Variants in FOCAD observed in about 807,000 individuals in gnomAD.
FOCAD encodes the protein focadhesin, also known as KIAA1797.
In FOCAD, 198 loss-of-function variants were observed where a neutral mutation model predicts 225.6. The ratio of observed to expected loss-of-function variants is 0.88; its 90% CI spans 0.78 to 0.99. The LOEUF (loss-of-function observed/expected upper bound fraction) is 0.99, where lower values mean the gene tolerates loss of function less well. Ranked by LOEUF, FOCAD falls within the 50% of genes least tolerant of loss-of-function variation. The pLI, the probability that FOCAD is intolerant of heterozygous loss-of-function variation, is 0.00. For synonymous variants in FOCAD, 897 were observed against 755.0 expected, an observed-to-expected ratio of 1.19 and a Z score of -3.08; for missense variants, 2,713 against 2,123.6, an observed-to-expected ratio of 1.28 and a Z score of -5.46.
At chr9:20,946,962 A>C in intron 30 of FOCAD, 142 bp downstream of exon 30, 4 of 1,026,850 alleles carry the variant, frequency 3.9e-6, no homozygotes, top group Non-Finnish European at 5.5e-6. Flanking sequence ...CTCTTTTCTC[A>C]CAGCTGTAGC....
intron 5 of FOCAD, 65 bp downstream of exon 5, chr9:20,740,405 C>A: frequency 2.3e-6 from 2 of 887,100 alleles, no homozygotes; most frequent in Non-Finnish European, 3.6e-6. Flanking sequence ...TTAACTGTGA[C>A]ATGATAATCC....
intron 15 of FOCAD, among the ~76,000 whole-genome samples, chr9:20,845,519 T>C (rs897851684): frequency 2.0e-5 from 3 of 150,270 alleles, no homozygotes; most frequent in African/African-American, 7.3e-5. Flanking sequence ...ACTAGTCCTT[T>C]ATTGATGGAT....
intron 11 of FOCAD, among the ~76,000 whole-genome samples, chr9:20,817,774 G>GTTTA (rs545811412): frequency 1.3e-5 from 2 of 151,696 alleles, no homozygotes; most frequent in East Asian, 3.9e-4. Flanking sequence ...ACTGTATTTT[G>GTTTA]TTTATTCATC....
intron 5 of FOCAD, among the ~76,000 whole-genome samples, chr9:20,748,760 C>T (rs970798673): frequency 1.3e-5 from 2 of 152,026 alleles, no homozygotes; most frequent in South Asian, 4.1e-4. Flanking sequence ...TCTTCTTTTC[C>T]ACTCAGGAAA....
intron 4 of FOCAD, among the ~76,000 whole-genome samples, chr9:20,728,169 G>C (rs923893712): frequency 6.6e-6 from 1 of 152,054 alleles, no homozygotes; most frequent in African/African-American, 2.4e-5. Context: ...AATCTTCAAC[G>C]TCATAATTGA....
intron 2 of FOCAD, among the ~76,000 whole-genome samples, chr9:20,666,222 G>A (rs1319638434): frequency 3.3e-5 from 5 of 152,226 alleles, no homozygotes. Flanking sequence ...ATATTATTAT[G>A]CATTCTATAA....
chr9:20,878,342 C>G (rs578082538), intron 19 of FOCAD, among the ~76,000 whole-genome samples: 1 of 152,226 alleles, frequency 6.6e-6, no homozygotes, highest in Non-Finnish European at 1.5e-5. Context: ...AAAATGTGAA[C>G]TGTACTTGTA....
At chr9:20,799,625 C>T (rs967547538) in intron 11 of FOCAD, among the ~76,000 whole-genome samples, 15 of 151,632 alleles carry the variant, frequency 9.9e-5, no homozygotes, top group Admixed American at 6.5e-5. Flanking sequence ...CTGTTTTGAT[C>T]TTTGTTGGTT....
At position 20,920,606 on chromosome 9, in the gene FOCAD, A is replaced by G. The variant is rs1391937565; in HGVS notation, c.2853-3054A>G. On this transcript the variant is annotated intron_variant, in intron 24 of 43. Transcript: ENST00000338382. ...AGACTGGATTAAGAAAATGTGGCAC[A>G]TATACACCATGGAATACTATGCAGC... Among the ~76,000 whole-genome samples the G allele has an allele frequency of 2.7e-5, 4 of 145,772 alleles. No homozygotes were observed. In the East Asian group the frequency reaches 8.0e-4, roughly 29 times the overall value.
At chr9:20,702,575 A>T (rs1326645052) in intron 1 of FOCAD, among the ~76,000 whole-genome samples, 1 of 152,224 alleles carries the variant, frequency 6.6e-6, no homozygotes, top group African/African-American at 2.4e-5. Context: ...ATATGAAGAT[A>T]AAGTTAATAG....
chr9:20,803,042 T>C (rs1446714727), intron 11 of FOCAD, among the ~76,000 whole-genome samples: 1 of 152,146 alleles, frequency 6.6e-6, no homozygotes, highest in African/African-American at 2.4e-5. Flanking sequence ...TTAATAATAA[T>C]TATCCTGGTG....
At chr9:20,716,129 C>T (rs563573084) in intron 2 of FOCAD, 39 of 481,256 alleles carry the variant, frequency 8.1e-5, no homozygotes, top group African/African-American at 6.4e-4. Flanking sequence ...TAGTGGGGAA[C>T]CCTTCCATGA....
intron 3 of FOCAD, among the ~76,000 whole-genome samples, chr9:20,718,998 T>C (rs1409692586): frequency 1.3e-5 from 2 of 152,212 alleles, no homozygotes; most frequent in African/African-American, 2.4e-5. Flanking sequence ...GTTAACTGTA[T>C]TGTTATTTTA....
In FOCAD at chr9:20,865,965, AC is replaced by A; in HGVS notation, c.2096del (p.Thr699IlefsTer8). On this transcript the variant is annotated frameshift_variant, in exon 17 of 44. Transcript: ENST00000338382. LOFTEE classifies it high-confidence loss of function. Reference sequence around the variant, plus strand: ...AGTCCTCAGCTTCCTCTGGACTCATACTCAAAACAAGGTACTATCACAAGGC... The same window carrying A: ...AGTCCTCAGCTTCCTCTGGACTCATATCAAAACAAGGTACTATCACAAGGC... ...VQVLSFLWTH[T>X]QNKDPIVANA... The A allele has an allele frequency of 6.2e-7, 1 of 1,608,126 alleles. No homozygotes were observed. The highest frequency in any genetic ancestry group is 8.5e-7 in the Non-Finnish European group (1 of 1,177,322).
At chr9:20,662,534 A>G (rs1025161573) in intron 2 of FOCAD, among the ~76,000 whole-genome samples, 2 of 152,138 alleles carry the variant, frequency 1.3e-5, no homozygotes, top group Admixed American at 6.5e-5. Context: ...TCCAGCCTGC[A>G]TCTGGTTTCA....
chr9:20,764,787 A>G, intron 6 of FOCAD, 82 bp from the exon 7 acceptor site: 5 of 1,019,662 alleles, frequency 4.9e-6, no homozygotes, highest in Non-Finnish European at 7.5e-6. Context: ...TTATGTCATG[A>G]ACTATAAGTT....
At chr9:20,758,686 G>A (rs1488801087) in intron 6 of FOCAD, among the ~76,000 whole-genome samples, 1 of 152,114 alleles carries the variant, frequency 6.6e-6, no homozygotes, top group Non-Finnish European at 1.5e-5. Flanking sequence ...CCCTACAAAG[G>A]ACCTGAACTC....
At chr9:20,973,034 CTGCTTCTCCTTGTTCCTG>C (rs1279918498) in intron 35 of FOCAD, among the ~76,000 whole-genome samples, 1 of 150,650 alleles carries the variant, frequency 6.6e-6, no homozygotes, top group Non-Finnish European at 1.5e-5. Context: ...GATGTGGCCT[CTGCTTCTCCTTGTTCCTG>C]TGCTTCTTCT....
intron 19 of FOCAD, 117 bp downstream of exon 19, chr9:20,874,924 C>G: frequency 1.5e-6 from 2 of 1,315,056 alleles, no homozygotes; most frequent in Non-Finnish European, 2.1e-6. Context: ...ATTTTTTAAC[C>G]AGAATGTTAA....
Sources: gnomAD v4.1 joint callset for allele counts (sites outside exome capture counted in the v4.1 genomes callset) on GRCh38, gnomAD v4.1.1 for gene constraint, MANE v1.5 for transcripts, NCBI Gene and HGNC (gene_info 2026-07-23, HGNC 2026-07-21) for gene names.